ZBTB7C: variants seen among roughly 807,000 people sequenced by gnomAD.
ZBTB7C encodes the protein zinc finger and BTB domain containing 7C, also known as zinc finger and BTB domain-containing protein 7C.
In ZBTB7C, 8 loss-of-function variants were observed where a neutral mutation model predicts 25.7. That is an observed-to-expected ratio of 0.31 (90% CI 0.18 to 0.56). The LOEUF (loss-of-function observed/expected upper bound fraction) is 0.56. ZBTB7C is among the 20% of genes least tolerant of loss of function. The pLI, the probability that ZBTB7C is intolerant of heterozygous loss-of-function variation, is 0.91. For synonymous variants in ZBTB7C, 394 were observed against 369.0 expected (o/e 1.07, Z -0.78); for missense variants, 824 against 855.2 (o/e 0.96, Z 0.46).
chr18:48,350,595 A>T (rs1339842877), intron 1 of ZBTB7C: 2 of 152,198 alleles, frequency 1.3e-5, no homozygotes, highest in African/African-American at 4.8e-5. Context: ...TTTCCTGCCA[A>T]CCACAAATAA....
rs371229447 is a variant in ZBTB7C at position 48,040,249 on chromosome 18, G to A, written c.859C>T (p.Arg287Trp). The A allele has an allele frequency of 1.7e-5, 27 of 1,561,742 alleles. No homozygotes were observed. The highest frequency in any genetic ancestry group is 2.2e-5 in the Non-Finnish European group (25 of 1,157,016). Residue 287 changes from arginine (R) to tryptophan (W), a missense_variant, in exon 4 of 5, where the codon CGG (arginine) becomes TGG (tryptophan). Arg to Trp is a moderately radical substitution (Grantham distance 101, BLOSUM62 -3). Transcript: ENST00000590800. ...SGPLDLVIKNRKIKEEEKEEL... is the reference protein window; with the variant it reads ...SGPLDLVIKNWKIKEEEKEEL... ...TCCTTCTCCTCCTCCTTGATCTTCC[G>A]ATTCTTGATGACCAGATCCAGTGGC...
intron 2 of ZBTB7C, among the ~76,000 whole-genome samples, chr18:48,296,708 G>C (rs1291423747): frequency 6.6e-6 from 1 of 152,110 alleles, no homozygotes; most frequent in Non-Finnish European, 1.5e-5. Context: ...CCAGTCCCCG[G>C]GGCCACAGTC....
intron 1 of ZBTB7C, among the ~76,000 whole-genome samples, chr18:48,401,348 G>A (rs924448432): frequency 3.3e-5 from 5 of 152,026 alleles, no homozygotes; most frequent in Non-Finnish European, 5.9e-5. Context: ...ACTCTTTGTC[G>A]AGAGCTATTT....
intron 1 of ZBTB7C, among the ~76,000 whole-genome samples, chr18:48,393,719 G>C (rs1040752875): frequency 4.0e-5 from 6 of 151,778 alleles, no homozygotes; most frequent in African/African-American, 1.5e-4. Context: ...AACCACAAAG[G>C]GCAAAATCTG....
At chr18:48,065,335 TCACA>T (rs561805409) in intron 3 of ZBTB7C, among the ~76,000 whole-genome samples, 1 of 150,722 alleles carries the variant, frequency 6.6e-6, no homozygotes, top group Non-Finnish European at 1.5e-5. Flanking sequence ...TCTCTCTCTC[TCACA>T]CACACACACA....
chr18:48,312,391 T>C (rs2045842500), intron 2 of ZBTB7C, among the ~76,000 whole-genome samples: 2 of 152,184 alleles, frequency 1.3e-5, no homozygotes, highest in African/African-American at 2.4e-5. Flanking sequence ...AGTCATATCA[T>C]CCCTTGTGTC....
rs1029609740 is a variant in ZBTB7C, at chr18:48,027,163, C to T, written c.*2097G>A. ...AACACAACCACCCCTCCCCCCACAA[C>T]CCATTTGCTTCAAGTTCTTGATCAT... On this transcript the variant is annotated 3_prime_UTR_variant, in exon 5 of 5. Transcript: ENST00000590800. The T allele has an allele frequency of 6.7e-6, 1 of 150,288 alleles. No homozygotes were observed. Among genetic ancestry groups the T allele is most frequent in the Non-Finnish European group, 1.5e-5 (1 of 67,808 alleles). 9.3% of individuals were successfully genotyped at this position (150,288 alleles called of 1,614,324 possible).
intron 2 of ZBTB7C, among the ~76,000 whole-genome samples, chr18:48,280,638 C>T (rs55799541): frequency 0.085 from 12,911 of 152,098 alleles, 671 homozygotes; most frequent in African/African-American, 0.14. Flanking sequence ...ATGTCTCCAT[C>T]TCTAGACATA....
chr18:48,376,969 CA>C (rs1179758213), intron 1 of ZBTB7C, among the ~76,000 whole-genome samples: 1 of 152,190 alleles, frequency 6.6e-6, no homozygotes, highest in Non-Finnish European at 1.5e-5. Context: ...TTTCTAATGG[CA>C]AAAAACTCAA....
At chr18:48,230,751 G>A (rs2043228818) in intron 2 of ZBTB7C, among the ~76,000 whole-genome samples, 1 of 152,082 alleles carries the variant, frequency 6.6e-6, no homozygotes, top group Non-Finnish European at 1.5e-5. Context: ...GCGCCATAGA[G>A]GAAGAGTTAA....
intron 3 of ZBTB7C, among the ~76,000 whole-genome samples, chr18:48,152,721 G>A (rs971923777): frequency 7.9e-5 from 12 of 152,212 alleles, no homozygotes; most frequent in African/African-American, 1.9e-4. Context: ...GTGGGAAAAC[G>A]GGATTTGGTT....
chr18:48,305,977 G>GA (rs2045664221), intron 2 of ZBTB7C, among the ~76,000 whole-genome samples: 1 of 152,194 alleles, frequency 6.6e-6, no homozygotes, highest in Non-Finnish European at 1.5e-5. Context: ...ATCCTGAAAA[G>GA]AAAAAATACA....
At chr18:48,163,068 C>T (rs1444000660) in intron 3 of ZBTB7C, among the ~76,000 whole-genome samples, 1 of 152,186 alleles carries the variant, frequency 6.6e-6, no homozygotes, top group Non-Finnish European at 1.5e-5. Context: ...GAAGCGGCAG[C>T]TACTGGGCCT....
chr18:48,263,689 T>C (rs2044234435), intron 2 of ZBTB7C, among the ~76,000 whole-genome samples: 1 of 130,260 alleles, frequency 7.7e-6, no homozygotes, highest in Non-Finnish European at 1.6e-5. Flanking sequence ...ACAATAAAGC[T>C]GCTAAAAAAA....
chr18:48,073,511 G>GGGACAGGCGCAGGGGTGCGGGCAGGTAC, intron 3 of ZBTB7C, among the ~76,000 whole-genome samples: 1 of 152,136 alleles, frequency 6.6e-6, no homozygotes, highest in African/African-American at 2.4e-5. Flanking sequence ...CCCCGGGGCT[G>GGGACAGGCGCAGGGGTGCGGGCAGGTAC]GGACAGGCGC....
At position 48,303,688 on chromosome 18, in the gene ZBTB7C, A is replaced by G. The variant is rs1455573105; in HGVS notation, c.-79+34486T>C. On this transcript the variant is annotated intron_variant, in intron 2 of 4. Transcript: ENST00000590800. ...GCAGAGGCCAGGTAGGCCAAGGATA[A>G]GCTCCACAACTCAGATGGCACTTGG... Among the ~76,000 whole-genome samples, 3 of 152,178 alleles carry G rather than the reference A, an allele frequency of 2.0e-5. No individual in the cohort carries two copies. The East Asian group carries it at 5.8e-4, about 29-fold the overall frequency.
chr18:48,056,530 A>G (rs533404636), intron 3 of ZBTB7C, among the ~76,000 whole-genome samples: 45 of 152,342 alleles, frequency 3.0e-4, no homozygotes, highest in Non-Finnish European at 2.9e-4. Flanking sequence ...ATGAACAGGA[A>G]GACAGATCAA....
At chr18:48,317,679 C>T (rs2045981729) in intron 2 of ZBTB7C, among the ~76,000 whole-genome samples, 1 of 152,216 alleles carries the variant, frequency 6.6e-6, no homozygotes, top group African/African-American at 2.4e-5. Flanking sequence ...CTCGATGTGA[C>T]ATATACTATT....
chr18:48,255,984 T>C (rs1405643055), intron 2 of ZBTB7C, among the ~76,000 whole-genome samples: 1 of 152,110 alleles, frequency 6.6e-6, no homozygotes, highest in Non-Finnish European at 1.5e-5. Context: ...ATTGTAAAAG[T>C]GTACAGAGCA....
Sources: allele counts gnomAD v4.1 joint callset (sites outside exome capture counted in the v4.1 genomes callset), GRCh38; gene constraint gnomAD v4.1.1; transcripts MANE v1.5; gene names NCBI Gene and HGNC (gene_info 2026-07-23, HGNC 2026-07-21).